Variants in PCSK7 observed in about 807,000 individuals in gnomAD.
PCSK7 encodes the protein proprotein convertase subtilisin/kexin type 7.
PCSK7 carries 38 observed loss-of-function variants against 73.3 expected under a neutral mutation model. The ratio of observed to expected loss-of-function variants is 0.52; its 90% CI spans 0.40 to 0.68. PCSK7 has a LOEUF of 0.68. Ranked by LOEUF, PCSK7 falls within the 30% of genes least tolerant of loss-of-function variation. The pLI is 0.00. For missense variants in PCSK7, 692 were observed against 991.5 expected (o/e 0.70, Z 4.06); for synonymous variants, 296 against 383.8 (o/e 0.77, Z 2.68).
At position 117,205,016 on chromosome 11, in the gene PCSK7, G is replaced by T; in HGVS notation, c.*981C>A. 1 of 203,154 alleles carries T rather than the reference G, an allele frequency of 4.9e-6. No individual in the cohort carries two copies. The highest frequency in any genetic ancestry group is 1.0e-5 in the Non-Finnish European group (1 of 98,730). The allele number at this position is 203,154 out of a possible 1,614,324, so 12.6% of individuals were successfully genotyped here. A position where few individuals can be genotyped will look rare whatever the true frequency, so the allele number is the denominator to read the frequency against. On this transcript the variant is annotated 3_prime_UTR_variant, in exon 17 of 17. Coordinates refer to ENST00000320934, the MANE Select transcript of PCSK7 (RefSeq NM_004716.4). ...ACCGAAGGGAAAAAGGAGCCACTCA[G>T]CAGCATGCAGTGGCTTTGGGGAGAC...
At chr11:117,216,247 A>C (rs1298649435) in intron 12 of PCSK7, 1 of 152,020 alleles carries the variant, frequency 6.6e-6, no homozygotes, top group African/African-American at 2.4e-5. Context: ...GGACAATGCT[A>C]CTCTAGAGTC....
chr11:117,228,041 G>C (rs1202678235), intron 4 of PCSK7, among the ~76,000 whole-genome samples, 175 bp downstream of exon 4: 4 of 152,178 alleles, frequency 2.6e-5, no homozygotes, highest in East Asian at 1.9e-4. Context: ...TAGAGTTAGA[G>C]CCACCTGCTG....
Position 117,218,699 on chromosome 11 carries a change from T to C in PCSK7, c.1432-131A>G, listed in dbSNP as rs1329372013. On this transcript the variant is annotated intron_variant, in intron 11 of 16. Transcript: ENST00000320934. The surrounding 1 kb of genome is among the most constrained non-coding windows in gnomAD (Gnocchi z 4.0). ...GTCTTTATTTTTCCACTCCTCATCA[T>C]CTTCCTTCAGCCCTCAGCTCCTGCT... 9 of 595,604 alleles carry C rather than the reference T, an allele frequency of 1.5e-5. No homozygotes were observed. In the East Asian group the frequency reaches 2.6e-4, roughly 17 times the overall value. The allele number at this position is 595,604 out of a possible 1,614,324, so 36.9% of individuals were successfully genotyped here. A position where few individuals can be genotyped will look rare whatever the true frequency, so the allele number is the denominator to read the frequency against.
chr11:117,231,763 G>A (rs1330134651), intron 1 of PCSK7: 1 of 152,314 alleles, frequency 6.6e-6, no homozygotes, highest in East Asian at 1.9e-4. Flanking sequence ...TCCACACCCG[G>A]CTCCTAGAAG....
At position 117,225,125 on chromosome 11, in the gene PCSK7, G is replaced by C. The variant is rs117872620; in HGVS notation, c.861-370C>G. The C allele has an allele frequency of 1.6e-4, 27 of 166,644 alleles. 1 individual carries two copies. The East Asian group carries it at 4.4e-3, about 27-fold the overall frequency. The allele number at this position is 166,644 out of a possible 1,614,324, so 10.3% of individuals were successfully genotyped here. ...TGCCCAGGCTGAAGTGCAATGGCGC[G>C]ATTTTGGCTCACTGCCACCTCCACC... On this transcript the variant is annotated intron_variant, in intron 6 of 16. Coordinates refer to ENST00000320934, the MANE Select transcript of PCSK7 (RefSeq NM_004716.4).
chr11:117,217,108 T>A (rs976378814), intron 12 of PCSK7: 3 of 152,174 alleles, frequency 2.0e-5, no homozygotes, highest in African/African-American at 7.2e-5. Flanking sequence ...CACCTCCCAC[T>A]CTTCTCCACC....
intron 12 of PCSK7, chr11:117,212,170 C>G (rs2031756247): frequency 6.6e-6 from 1 of 152,022 alleles, no homozygotes; most frequent in South Asian, 2.1e-4. Flanking sequence ...TTGAGATCTA[C>G]TCCCCAGAAG....
At chr11:117,216,203 A>G (rs2031976002) in intron 12 of PCSK7, 3 of 152,216 alleles carry the variant, frequency 2.0e-5, no homozygotes, top group Non-Finnish European at 2.9e-5. Flanking sequence ...CAGCATGGAC[A>G]TGGAACAGTT....
rs1192520626 is a variant in PCSK7 at position 117,218,639 on chromosome 11, C to T, written c.1432-71G>A. Reference sequence around the variant, plus strand: ...TCACACCCACATTCTCACAAACACACACGCCCTTGTCAATACGATCTTGAA... The same window carrying T: ...TCACACCCACATTCTCACAAACACATACGCCCTTGTCAATACGATCTTGAA... On this transcript the variant is annotated intron_variant, in intron 11 of 16. Transcript: ENST00000320934. The surrounding 1 kb of genome is among the most constrained non-coding windows in gnomAD (Gnocchi z 4.0). 5 of 804,560 alleles carry T rather than the reference C, an allele frequency of 6.2e-6. No homozygotes were observed. The East Asian group carries it at 1.0e-4, about 16-fold the overall frequency. 49.8% of individuals were successfully genotyped at this position (804,560 alleles called of 1,614,324 possible).
In PCSK7 at chr11:117,205,823, C is replaced by G. The variant is rs1019384846; in HGVS notation, c.*174G>C. ...TGGAGGCAGACCCTGTGGCTCTGAC[C>G]AGACTTCTCTGGCAGCAATCCTCCA... On this transcript the variant is annotated 3_prime_UTR_variant, in exon 17 of 17. Coordinates refer to ENST00000320934, the MANE Select transcript of PCSK7 (RefSeq NM_004716.4). The G allele has an allele frequency of 2.0e-5, 11 of 551,924 alleles. No homozygotes were observed. Among genetic ancestry groups the G allele is most frequent in the African/African-American group, 3.9e-5 (2 of 51,632 alleles). 34.2% of individuals were successfully genotyped at this position (551,924 alleles called of 1,614,324 possible). A position where few individuals can be genotyped will look rare whatever the true frequency, so the allele number is the denominator to read the frequency against.
chr11:117,211,911 G>T (rs897649221), intron 12 of PCSK7: 1 of 152,176 alleles, frequency 6.6e-6, no homozygotes, highest in African/African-American at 2.4e-5. Context: ...TTGAGACGAG[G>T]ATTAAACAGT....
intron 1 of PCSK7, 83 bp from the exon 2 acceptor site, chr11:117,230,551 G>A (rs559531810): frequency 3.9e-5 from 6 of 152,390 alleles, no homozygotes; most frequent in African/African-American, 1.2e-4. Flanking sequence ...CAGGACCAGG[G>A]ACCAAAGAAA....
intron 8 of PCSK7, chr11:117,223,733 G>T: frequency 2.8e-6 from 1 of 362,962 alleles, no homozygotes; most frequent in Non-Finnish European, 5.1e-6. Context: ...ATGCTAACTG[G>T]GAGCACAGGC....
chr11:117,221,820 T>G (rs770361631), intron 9 of PCSK7: 1 of 152,296 alleles, frequency 6.6e-6, no homozygotes, highest in Non-Finnish European at 1.5e-5. Context: ...GTTTGGTATG[T>G]TCCTGTTCTT....
intron 12 of PCSK7, chr11:117,209,912 C>T (rs145711816): frequency 0.027 from 4,108 of 151,270 alleles, no homozygotes; most frequent in Non-Finnish European, 0.043. Context: ...AATTGAAGTA[C>T]CTGCAGTGAT....
chr11:117,216,420 T>A (rs2031984099), intron 12 of PCSK7: 1 of 150,234 alleles, frequency 6.7e-6, no homozygotes, highest in Admixed American at 6.6e-5. Context: ...GGGACTGAGC[T>A]GCTCAACTCT....
Position 117,227,278 on chromosome 11 carries a change from G to A in PCSK7, c.648C>T (p.Pro216=). ...CATTCTCCACATCCGGGTGGGGCATGGGGTCAGGGTCATTAGAGTTGAGGT... is the reference window on the plus strand; with the variant it reads ...CATTCTCCACATCCGGGTGGGGCATAGGGTCAGGGTCATTAGAGTTGAGGT... ...SYDLNSNDPD[P]MPHPDVENGN... The change falls in exon 5 of 17, where the codon CCC becomes CCT. Residue 216 remains proline (P), a synonymous_variant. Coordinates refer to ENST00000320934, the MANE Select transcript of PCSK7 (RefSeq NM_004716.4). 4 of 1,613,810 alleles carry A rather than the reference G, an allele frequency of 2.5e-6. No homozygotes were observed. The highest frequency in any genetic ancestry group is 3.4e-6 in the Non-Finnish European group (4 of 1,179,702).
chr11:117,218,585 G>A lies in PCSK7; in HGVS notation c.1432-17C>T, dbSNP rs1362009700. The A allele has an allele frequency of 2.5e-5, 35 of 1,417,874 alleles. No homozygotes were observed. The highest frequency in any genetic ancestry group is 3.2e-5 in the Non-Finnish European group (32 of 1,015,640). The allele number at this position is 1,417,874 out of a possible 1,614,324, so 87.8% of individuals were successfully genotyped here. A position where few individuals can be genotyped will look rare whatever the true frequency, so the allele number is the denominator to read the frequency against. On this transcript the variant is annotated splice_polypyrimidine_tract_variant and intron_variant, in intron 11 of 16. Coordinates refer to ENST00000320934, the MANE Select transcript of PCSK7 (RefSeq NM_004716.4). The surrounding 1 kb of genome is among the most constrained non-coding windows in gnomAD (Gnocchi z 4.0). ...TGTCCAGATCTATGAAAGGAAAGGA[G>A]GGGATGGCAAATCAACAAACAAGAA...
At chr11:117,226,191 C>T in intron 5 of PCSK7, 170 bp from the exon 6 acceptor site, 1 of 601,766 alleles carries the variant, frequency 1.7e-6, no homozygotes, top group Non-Finnish European at 3.0e-6. Flanking sequence ...GACTGGAGTG[C>T]AGTGGCATGA....
Sources: gnomAD v4.1 joint callset for allele counts (sites outside exome capture counted in the v4.1 genomes callset) on GRCh38, gnomAD v4.1.1 for gene constraint, Gnocchi (gnomAD v3.1) non-coding constraint, MANE v1.5 for transcripts, NCBI Gene and HGNC (gene_info 2026-07-23, HGNC 2026-07-21) for gene names.